The following DPH5 variants were observed in gnomAD, a reference collection of about 807,000 sequenced individuals.
DPH5 encodes diphthine methyl ester synthase.
Under a neutral mutation model 31.6 loss-of-function variants are expected in DPH5, and 31 were observed. The observed-to-expected ratio is 0.98, with a 90% CI of 0.74 to 1.32. The LOEUF (loss-of-function observed/expected upper bound fraction) is 1.32, where lower values mean the gene tolerates loss of function less well. Ranked by LOEUF, DPH5 falls within the 40% of genes most tolerant of loss-of-function variation. DPH5 has a pLI of 0.00. For missense variants in DPH5, 309 were observed against 335.7 expected, an observed-to-expected ratio of 0.92 and a Z score of 0.62; for synonymous variants, 120 against 115.0, an observed-to-expected ratio of 1.04 and a Z score of -0.28.
Position 101,021,773 on chromosome 1 carries a change from TA to T in DPH5, c.136-9del. ...TCTTCCATAAAACTCTTCCTACAGA[TA>T]TAAGTCCAATATCAAGATAAAGAGA... is the stretch of plus-strand genomic sequence containing the variant. On this transcript the variant is annotated splice_polypyrimidine_tract_variant and intron_variant, in intron 2 of 7. Transcript: ENST00000370109. The T allele has an allele frequency of 2.5e-6, 4 of 1,609,604 alleles. No individual in the cohort carries two copies. Among genetic ancestry groups the T allele is most frequent in the Non-Finnish European group, 3.4e-6 (4 of 1,177,586 alleles).
At chr1:101,018,059 CAT>C (rs1472902380) in intron 3 of DPH5, among the ~76,000 whole-genome samples, 1 of 152,032 alleles carries the variant, frequency 6.6e-6, no homozygotes, top group Non-Finnish European at 1.5e-5. Context: ...TATCTAAAAT[CAT>C]ATATGTGTAT....
intron 5 of DPH5, chr1:100,995,850 T>C (rs1658302254): frequency 6.6e-6 from 1 of 152,230 alleles, no homozygotes; most frequent in Non-Finnish European, 1.5e-5. Context: ...GAACTCAGTA[T>C]ACAACAGCAA....
At chr1:101,012,023 C>G (rs913473174) in intron 4 of DPH5, among the ~76,000 whole-genome samples, 2 of 151,648 alleles carry the variant, frequency 1.3e-5, no homozygotes, top group Non-Finnish European at 2.9e-5. Context: ...GCCTCAGCCT[C>G]CCCAGTAGCT....
intron 4 of DPH5, among the ~76,000 whole-genome samples, chr1:101,004,920 T>C (rs1212189697): frequency 6.6e-6 from 1 of 152,214 alleles, no homozygotes; most frequent in Non-Finnish European, 1.5e-5. Context: ...TAGCTAACTG[T>C]GCCTGACTTC....
chr1:100,990,236 A>G lies in DPH5; in HGVS notation c.*172T>C. The G allele has an allele frequency of 1.6e-6, 1 of 621,070 alleles. No homozygotes were observed. The allele number at this position is 621,070 out of a possible 1,614,324, so 38.5% of individuals were successfully genotyped here. The stretch of plus-strand genomic sequence containing the variant: ...AAACCATCAGATCTCATGAAAGCTC[A>G]CTATCATGAGAATAGCATGAGGGAA... On this transcript the variant is annotated 3_prime_UTR_variant, in exon 8 of 8. Coordinates refer to ENST00000370109, the MANE Select transcript of DPH5 (RefSeq NM_015958.3).
At chr1:101,008,485 G>A (rs1398691458) in intron 4 of DPH5, among the ~76,000 whole-genome samples, 1 of 152,214 alleles carries the variant, frequency 6.6e-6, no homozygotes, top group Non-Finnish European at 1.5e-5. Flanking sequence ...TAAAACAAGG[G>A]CTTTTAAGTT....
intron 3 of DPH5, among the ~76,000 whole-genome samples, chr1:101,015,294 T>C (rs1659997369): frequency 6.6e-6 from 1 of 152,152 alleles, no homozygotes; most frequent in Non-Finnish European, 1.5e-5. Context: ...AGAATAGGTG[T>C]TGGGTTAGCA....
intron 4 of DPH5, among the ~76,000 whole-genome samples, chr1:101,006,499 A>G (rs541150964): frequency 1.3e-5 from 2 of 152,284 alleles, no homozygotes; most frequent in African/African-American, 4.8e-5. Flanking sequence ...TGACTAAAAG[A>G]ATAGAAAGAG....
chr1:101,005,458 T>C (rs1424332676), intron 4 of DPH5, among the ~76,000 whole-genome samples: 3 of 152,088 alleles, frequency 2.0e-5, no homozygotes, highest in African/African-American at 7.2e-5. Context: ...CACATACAAT[T>C]TGCATGCCAT....
At chr1:101,001,192 G>A (rs1488108218) in intron 5 of DPH5, among the ~76,000 whole-genome samples, 1 of 152,200 alleles carries the variant, frequency 6.6e-6, no homozygotes, top group Non-Finnish European at 1.5e-5. Context: ...ATGGACAAAT[G>A]AGTAAGATAT....
At chr1:101,013,682 C>T (rs1206374067) in intron 4 of DPH5, 28 bp downstream of exon 4, 29 of 1,396,916 alleles carry the variant, frequency 2.1e-5, no homozygotes, top group Non-Finnish European at 2.8e-5. Flanking sequence ...TATTTAATTC[C>T]ACTGAAAAAC....
Position 101,013,824 on chromosome 1 carries a change from G to T in DPH5, c.261-6C>A. On this transcript the variant is annotated splice_region_variant and splice_polypyrimidine_tract_variant and intron_variant, in intron 3 of 7. Coordinates refer to ENST00000370109, the MANE Select transcript of DPH5 (RefSeq NM_015958.3). ...GATCACTGTGTGTTGTGGCCCTGTAGTGAGAAAAGATTAGATTGGATTAAA... is the reference window on the plus strand; with the variant it reads ...GATCACTGTGTGTTGTGGCCCTGTATTGAGAAAAGATTAGATTGGATTAAA... 1 of 1,601,404 alleles carries T rather than the reference G, an allele frequency of 6.2e-7. No individual in the cohort carries two copies. Among genetic ancestry groups the T allele is most frequent in the Non-Finnish European group, 8.5e-7 (1 of 1,173,534 alleles).
intron 4 of DPH5, among the ~76,000 whole-genome samples, chr1:101,007,859 A>G (rs1659350775): frequency 6.6e-6 from 1 of 152,274 alleles, no homozygotes; most frequent in Middle Eastern, 3.4e-3. Flanking sequence ...GCAAATTTTC[A>G]TTACCAGGAC....
At chr1:101,005,072 T>C (rs1169293230) in intron 4 of DPH5, among the ~76,000 whole-genome samples, 3 of 152,220 alleles carry the variant, frequency 2.0e-5, no homozygotes, top group Non-Finnish European at 4.4e-5. Context: ...CTGAATAACC[T>C]TAACAGTCTC....
intron 7 of DPH5, 50 bp from the exon 8 acceptor site, chr1:100,990,681 A>C: frequency 1.3e-6 from 2 of 1,555,366 alleles, no homozygotes; most frequent in South Asian, 1.1e-5. Context: ...TGCATCATCC[A>C]TCCAACAGTC....
chr1:100,991,222 T>C (rs1657667843), intron 7 of DPH5, among the ~76,000 whole-genome samples: 1 of 152,232 alleles, frequency 6.6e-6, no homozygotes, highest in African/African-American at 2.4e-5. Context: ...GCACTATTTA[T>C]GTTTTTCAGT....
At position 101,013,815 on chromosome 1, in the gene DPH5, G is replaced by C; in HGVS notation, c.264C>G (p.Ala88=). 1 of 1,606,270 alleles carries C rather than the reference G, an allele frequency of 6.2e-7. No homozygotes were observed. The highest frequency in any genetic ancestry group is 8.5e-7 in the Non-Finnish European group (1 of 1,177,054). ...AFLVVGDPFG[A]TTHSDLVLRA... is the part of the protein sequence containing the mutation. ...TTAGAACAAGATCACTGTGTGTTGT[G>C]GCCCTGTAGTGAGAAAAGATTAGAT... Residue 88 remains alanine, a synonymous_variant, in exon 4 of 8, where the codon GCC becomes GCG. Coordinates refer to ENST00000370109, the MANE Select transcript of DPH5 (RefSeq NM_015958.3).
At chr1:101,006,193 C>G (rs1570676154) in intron 4 of DPH5, among the ~76,000 whole-genome samples, 1 of 152,246 alleles carries the variant, frequency 6.6e-6, no homozygotes, top group South Asian at 2.1e-4. Context: ...ACCTCAAAGT[C>G]AATTTCCCAG....
intron 4 of DPH5, among the ~76,000 whole-genome samples, chr1:101,008,153 T>C (rs540308741): frequency 2.6e-5 from 4 of 152,342 alleles, no homozygotes; most frequent in African/African-American, 7.2e-5. Context: ...TTAGACCTTA[T>C]CTAGTTTAGT....
Sources: gnomAD v4.1 joint callset for allele counts (sites outside exome capture counted in the v4.1 genomes callset) on GRCh38, gnomAD v4.1.1 for gene constraint, MANE v1.5 for transcripts, NCBI Gene and HGNC (gene_info 2026-07-23, HGNC 2026-07-21) for gene names.